The following LYPLAL1 variants were observed in gnomAD, a reference collection of about 807,000 sequenced individuals.
LYPLAL1 encodes the protein lysophospholipase-like protein 1.
In LYPLAL1, 23 loss-of-function variants were observed where a neutral mutation model predicts 19.7. That is an observed-to-expected ratio of 1.17 (90% CI 0.84 to 1.65). The LOEUF (loss-of-function observed/expected upper bound fraction) is 1.65, where lower values mean the gene tolerates loss of function less well. Among genes scored for constraint, LYPLAL1 ranks in the 40% most tolerant of loss-of-function variants. The pLI, the probability that LYPLAL1 is intolerant of heterozygous loss-of-function variation, is 0.00. For missense variants in LYPLAL1, 355 were observed against 279.4 expected (o/e 1.27, Z -1.93); for synonymous variants, 119 against 96.3 (o/e 1.24, Z -1.38).
At chr1:219,245,120 C>A in the LYPLAL1 span, among the ~76,000 whole-genome samples, 1 of 148,142 alleles carries the variant, frequency 6.8e-6, no homozygotes, top group Non-Finnish European at 1.5e-5. Flanking sequence ...TTCTTCTGTT[C>A]TCTTTTTTCT....
chr1:219,203,179 T>C (rs1056846772), intron 3 of LYPLAL1, among the ~76,000 whole-genome samples: 3 of 152,198 alleles, frequency 2.0e-5, no homozygotes, highest in African/African-American at 7.2e-5. Context: ...TAGTTGTGTT[T>C]GTGTAACTTT....
At position 219,193,106 on chromosome 1, in the gene LYPLAL1, A is replaced by T; in HGVS notation, c.216A>T (p.Gly72=). The change falls in exon 3 of 5, where the codon GGA becomes GGT. Residue 72 remains glycine, a synonymous_variant. Transcript: ENST00000366928. ...PPRSYTPMKG[G]ISNVWFDRFK... ...GATCATATACTCCTATGAAAGGAGG[A>T]ATCTCCAATGTATGGTTTGACAGAT... 1.2e-6 allele frequency: 2 copies of T among 1,602,744 alleles called. No individual in the cohort carries two copies. The highest frequency in any genetic ancestry group is 1.7e-6 in the Non-Finnish European group (2 of 1,173,358).
At chr1:219,363,339 G>C in the LYPLAL1 span, among the ~76,000 whole-genome samples, 1 of 152,048 alleles carries the variant, frequency 6.6e-6, no homozygotes, top group Non-Finnish European at 1.5e-5. Context: ...ATTTTGAAGA[G>C]TTAATACCAA....
the LYPLAL1 span, among the ~76,000 whole-genome samples, chr1:219,312,912 G>A: frequency 2.4e-4 from 36 of 152,254 alleles, no homozygotes; most frequent in African/African-American, 7.2e-4. Context: ...TACAACTACC[G>A]ATAATAGTCC....
chr1:219,295,205 A>G, the LYPLAL1 span, among the ~76,000 whole-genome samples: 3 of 152,302 alleles, frequency 2.0e-5, no homozygotes, highest in East Asian at 3.9e-4. Flanking sequence ...AAAAACCTAC[A>G]TATGCTGCCT....
At chr1:219,199,685 G>C (rs1657923653) in intron 3 of LYPLAL1, among the ~76,000 whole-genome samples, 1 of 149,870 alleles carries the variant, frequency 6.7e-6, no homozygotes, top group Non-Finnish European at 1.5e-5. Flanking sequence ...CGTGATCTTG[G>C]CTCACTGCAA....
chr1:219,385,200 A>G, the LYPLAL1 span, among the ~76,000 whole-genome samples: 1 of 152,306 alleles, frequency 6.6e-6, no homozygotes, highest in Admixed American at 6.5e-5. Flanking sequence ...TACACCTTCC[A>G]TTGGGCAAAG....
At chr1:219,268,645 C>A in the LYPLAL1 span, among the ~76,000 whole-genome samples, 5 of 100,284 alleles carry the variant, frequency 5.0e-5, no homozygotes, top group Non-Finnish European at 2.2e-5. Context: ...AAAAACAAGT[C>A]CATATATAAA....
At chr1:219,375,490 T>TAAAA in the LYPLAL1 span, among the ~76,000 whole-genome samples, 69 of 37,480 alleles carry the variant, frequency 1.8e-3, no homozygotes, top group South Asian at 3.3e-3. Flanking sequence ...AAACTCCTTC[T>TAAAA]AAAAAAAAAA....
At chr1:219,389,341 G>A in the LYPLAL1 span, among the ~76,000 whole-genome samples, 39,271 of 152,026 alleles carry the variant, frequency 0.26, 5,972 homozygotes, top group Admixed American at 0.35. Context: ...GAAGGCCTGA[G>A]TATGAGGAAA....
At chr1:219,286,919 C>T in the LYPLAL1 span, among the ~76,000 whole-genome samples, 7 of 152,182 alleles carry the variant, frequency 4.6e-5, no homozygotes, top group South Asian at 1.5e-3. Context: ...TTACTTCTTC[C>T]TTGAAAAAAT....
At chr1:219,443,560 G>T in the LYPLAL1 span, among the ~76,000 whole-genome samples, 53 of 151,962 alleles carry the variant, frequency 3.5e-4, no homozygotes, top group African/African-American at 1.2e-3. Flanking sequence ...ACTTATCTTG[G>T]ACAATAGGTT....
chr1:219,195,184 A>G (rs1255992027), intron 3 of LYPLAL1, among the ~76,000 whole-genome samples: 1 of 152,146 alleles, frequency 6.6e-6, no homozygotes, highest in African/African-American at 2.4e-5. Flanking sequence ...CTCTCAGTAA[A>G]TACTCTGTTC....
the LYPLAL1 span, among the ~76,000 whole-genome samples, chr1:219,323,355 C>T: frequency 6.6e-6 from 1 of 152,134 alleles, no homozygotes; most frequent in African/African-American, 2.4e-5. Flanking sequence ...TGTCAATAGT[C>T]CTGGTTTCTC....
At chr1:219,365,952 G>C in the LYPLAL1 span, among the ~76,000 whole-genome samples, 1 of 152,084 alleles carries the variant, frequency 6.6e-6, no homozygotes, top group South Asian at 2.1e-4. Flanking sequence ...AAAATATCAA[G>C]ATGATTGACT....
the LYPLAL1 span, among the ~76,000 whole-genome samples, chr1:219,286,359 T>C: frequency 4.6e-3 from 698 of 152,312 alleles, 4 homozygotes; most frequent in African/African-American, 0.016. Flanking sequence ...GGAACCAAGC[T>C]CAGTTTAAAA....
chr1:219,378,434 A>G, the LYPLAL1 span, among the ~76,000 whole-genome samples: 2 of 152,192 alleles, frequency 1.3e-5, no homozygotes, highest in Non-Finnish European at 2.9e-5. Context: ...AACCATCCCC[A>G]TGATTAAATT....
the LYPLAL1 span, among the ~76,000 whole-genome samples, chr1:219,236,824 A>G: frequency 6.6e-6 from 1 of 152,170 alleles, no homozygotes; most frequent in Non-Finnish European, 1.5e-5. Context: ...AACGTGTGCC[A>G]TGGTGGTTTG....
At chr1:219,350,352 A>C in the LYPLAL1 span, among the ~76,000 whole-genome samples, 1 of 152,132 alleles carries the variant, frequency 6.6e-6, no homozygotes, top group Non-Finnish European at 1.5e-5. Context: ...TGCCTAAGCC[A>C]CAATGCTGGG....
Sources: gnomAD v4.1 joint callset for allele counts (sites outside exome capture counted in the v4.1 genomes callset) on GRCh38, gnomAD v4.1.1 for gene constraint, MANE v1.5 for transcripts, NCBI Gene and HGNC (gene_info 2026-07-23, HGNC 2026-07-21) for gene names.